PAG1: variants seen among roughly 807,000 people sequenced by gnomAD.
PAG1 encodes phosphoprotein associated with glycosphingolipid-enriched microdomains 1.
In PAG1, 23 loss-of-function variants were observed where a neutral mutation model predicts 31.7. The ratio of observed to expected loss-of-function variants is 0.73; its 90% CI spans 0.52 to 1.03. PAG1 has a LOEUF of 1.03. PAG1 is among the 50% of genes least tolerant of loss of function. The pLI is 0.00. For synonymous variants in PAG1, 214 were observed against 210.3 expected, an observed-to-expected ratio of 1.02 and a Z score of -0.15; for missense variants, 473 against 540.7, an observed-to-expected ratio of 0.87 and a Z score of 1.24.
Position 80,993,726 on chromosome 8 carries a change from GC to G in PAG1, c.-80-420del, listed in dbSNP as rs1807610551. Reference sequence around the variant, plus strand: ...CAATCCTCTCCTGAACCACCCCCCTGCCCCCCACTGCTGGGACTACAGGCAT... The same window carrying G: ...CAATCCTCTCCTGAACCACCCCCCTGCCCCCACTGCTGGGACTACAGGCAT... On this transcript the variant is annotated intron_variant, in intron 3 of 8. Transcript: ENST00000220597. Among the ~76,000 whole-genome samples, 6 of 150,364 alleles carry G rather than the reference GC, an allele frequency of 4.0e-5. No homozygotes were observed. The South Asian group carries it at 1.3e-3, about 32-fold the overall frequency.
At chr8:81,070,657 C>A (rs10108428) in intron 1 of PAG1, among the ~76,000 whole-genome samples, 92,439 of 141,710 alleles carry the variant, frequency 0.65, 29,167 homozygotes, top group East Asian at 0.86. Flanking sequence ...CTTTTCAGCA[C>A]AAAAAAAAAA....
At position 80,967,943 on chromosome 8, in the gene PAG1, T is replaced by C. The variant is rs1249430443; in HGVS notation, c.*8601A>G. 6.6e-6 allele frequency: 1 copy of C among 152,230 alleles called. No individual in the cohort carries two copies. Among genetic ancestry groups the C allele is most frequent in the Non-Finnish European group, 1.5e-5 (1 of 68,042 alleles). 9.4% of individuals were successfully genotyped at this position (152,230 alleles called of 1,614,324 possible). On this transcript the variant is annotated 3_prime_UTR_variant, in exon 9 of 9. Coordinates refer to ENST00000220597, the MANE Select transcript of PAG1 (RefSeq NM_018440.4). ...TAGCTTGAATAAGTTTTATTACATG[T>C]AAACTATAAGATATTACAAGTTAAA...
chr8:80,985,323 G>A lies in PAG1; in HGVS notation c.329C>T (p.Thr110Ile). 6.2e-7 allele frequency: 1 copy of A among 1,614,102 alleles called. No individual in the cohort carries two copies. Among genetic ancestry groups the A allele is most frequent in the Non-Finnish European group, 8.5e-7 (1 of 1,179,942 alleles). The part of the protein sequence containing the change: ...TCMQHYEEVQ[T>I]SASDLLDSQD... ...GGAATCCAGCAGATCCGAGGCCGAT[G>A]TCTGGACTTCCTCGTAATGCTGCAT... The change falls in exon 7 of 9, where the codon ACA becomes ATA. Residue 110 changes from threonine (T) to isoleucine (I), a missense_variant. Transcript: ENST00000220597.
At chr8:80,989,588 C>T (rs1807496760) in intron 5 of PAG1, among the ~76,000 whole-genome samples, 1 of 152,100 alleles carries the variant, frequency 6.6e-6, no homozygotes, top group African/African-American at 2.4e-5. Context: ...TGGGTTGGGG[C>T]AATAATGAAT....
At chr8:81,015,438 G>T (rs1460577349) in intron 3 of PAG1, among the ~76,000 whole-genome samples, 2 of 152,182 alleles carry the variant, frequency 1.3e-5, no homozygotes, top group Non-Finnish European at 2.9e-5. Flanking sequence ...CTGCCAGACT[G>T]TCAGGCCAAG....
intron 1 of PAG1, 78 bp downstream of exon 1, chr8:81,111,513 C>A (rs1809772997): frequency 1.3e-5 from 2 of 152,480 alleles, no homozygotes; most frequent in Non-Finnish European, 2.9e-5. Flanking sequence ...GTGCCACCCT[C>A]GGCTTCCCAC....
At chr8:81,030,909 A>G (rs80167423) in intron 2 of PAG1, among the ~76,000 whole-genome samples, 1 of 152,234 alleles carries the variant, frequency 6.6e-6, no homozygotes, top group African/African-American at 2.4e-5. Context: ...ACGAACGAAC[A>G]AACGGATGAA....
In PAG1 at chr8:81,089,295, C is replaced by T. The variant is rs138080500; in HGVS notation, c.-233-19125G>A. Among the ~76,000 whole-genome samples, 1,085 of 152,180 alleles carry T rather than the reference C, an allele frequency of 7.1e-3. 10 individuals are homozygous for T. The highest frequency in any genetic ancestry group is 0.02 in the Middle Eastern group (6 of 294). On this transcript the variant is annotated intron_variant, in intron 1 of 8. Transcript: ENST00000220597. ...ACTTAAAGAACCCTGATGGGCCAGG[C>T]GCAGTGGCTCACGCCTGTAATCCCA...
intron 2 of PAG1, among the ~76,000 whole-genome samples, chr8:81,049,942 C>G (rs1350410016): frequency 2.6e-5 from 4 of 152,168 alleles, no homozygotes; most frequent in Admixed American, 2.0e-4. Context: ...ACAAACCCCA[C>G]GCTGGGACTG....
chr8:81,061,846 G>A (rs975235783), intron 2 of PAG1, among the ~76,000 whole-genome samples: 2 of 152,108 alleles, frequency 1.3e-5, no homozygotes, highest in Non-Finnish European at 2.9e-5. Context: ...GCCCGTAAGC[G>A]GAGATCTGAA....
intron 2 of PAG1, among the ~76,000 whole-genome samples, chr8:81,057,621 C>A (rs915707590): frequency 3.3e-5 from 5 of 151,828 alleles, no homozygotes. Context: ...ATGCAAATGA[C>A]GAGTTAATCG....
intron 1 of PAG1, among the ~76,000 whole-genome samples, chr8:81,089,563 G>A (rs536943843): frequency 8.9e-5 from 11 of 124,136 alleles, no homozygotes; most frequent in East Asian, 5.1e-4. Context: ...GCGAGACTCC[G>A]TCTCAAAAAG....
intron 1 of PAG1, among the ~76,000 whole-genome samples, chr8:81,077,972 C>T (rs1358167332): frequency 1.3e-5 from 2 of 152,174 alleles, no homozygotes; most frequent in South Asian, 2.1e-4. Flanking sequence ...TGGGATCAAA[C>T]CCACGTAAAT....
Position 81,111,606 on chromosome 8 carries a change from A to T in PAG1, c.-249T>A, listed in dbSNP as rs1026912396. On this transcript the variant is annotated 5_prime_UTR_variant, in exon 1 of 9. Transcript: ENST00000220597. ...GTCAACTTACTGGGACTCAGGAGGCAGGGAGTCTTCCTGGCGGACGGCGCT... is the reference window on the plus strand; with the variant it reads ...GTCAACTTACTGGGACTCAGGAGGCTGGGAGTCTTCCTGGCGGACGGCGCT... The T allele has an allele frequency of 2.6e-5, 4 of 151,944 alleles. No homozygotes were observed. Among genetic ancestry groups the T allele is most frequent in the Non-Finnish European group, 5.9e-5 (4 of 67,966 alleles). 9.4% of individuals were successfully genotyped at this position (151,944 alleles called of 1,614,324 possible).
At chr8:81,019,410 A>G (rs2130723901) in intron 3 of PAG1, among the ~76,000 whole-genome samples, 1 of 152,306 alleles carries the variant, frequency 6.6e-6, no homozygotes, top group East Asian at 1.9e-4. Context: ...GGAGGCCTAG[A>G]AGGAAAAATG....
At chr8:81,101,147 A>G (rs1373608896) in intron 1 of PAG1, among the ~76,000 whole-genome samples, 2 of 152,208 alleles carry the variant, frequency 1.3e-5, no homozygotes, top group Non-Finnish European at 2.9e-5. Flanking sequence ...ATTTTTCTCA[A>G]TGACCACAGT....
chr8:81,021,591 C>A (rs1274824298), intron 3 of PAG1, among the ~76,000 whole-genome samples: 4 of 149,728 alleles, frequency 2.7e-5, no homozygotes, highest in Non-Finnish European at 5.9e-5. Context: ...AGGGAGAATA[C>A]AAGTATTTCT....
At chr8:81,040,468 TA>T (rs1038087610) in intron 2 of PAG1, among the ~76,000 whole-genome samples, 1 of 150,842 alleles carries the variant, frequency 6.6e-6, no homozygotes, top group South Asian at 2.1e-4. Context: ...ACTGGTGCCT[TA>T]AAAAAAAACA....
intron 3 of PAG1, among the ~76,000 whole-genome samples, chr8:81,017,306 G>C (rs1003556099): frequency 9.9e-5 from 15 of 152,136 alleles, no homozygotes; most frequent in Non-Finnish European, 1.8e-4. Context: ...TAACAAAACA[G>C]AACTCTGACT....
Sources: gnomAD v4.1 joint callset for allele counts (sites outside exome capture counted in the v4.1 genomes callset) on GRCh38, gnomAD v4.1.1 for gene constraint, MANE v1.5 for transcripts, NCBI Gene and HGNC (gene_info 2026-07-23, HGNC 2026-07-21) for gene names.